Variants in PARN observed in about 807,000 individuals in gnomAD.
The protein encoded by PARN is poly(A)-specific ribonuclease PARN.
PARN carries 71 observed loss-of-function variants against 102.8 expected under a neutral mutation model. The ratio of observed to expected loss-of-function variants is 0.69; its 90% confidence interval spans 0.57 to 0.84. The LOEUF (loss-of-function observed/expected upper bound fraction) is 0.84, where lower values mean the gene tolerates loss of function less well. PARN is among the 40% of genes least tolerant of loss of function. The probability of loss-of-function intolerance (pLI) is 0.00; values close to 1 mark genes in which losing one functional copy is unlikely to be tolerated. For synonymous variants in PARN, 261 were observed against 252.9 expected (o/e 1.03, Z -0.30); for missense variants, 782 against 760.9 (o/e 1.03, Z -0.33).
intron 21 of PARN, among the ~76,000 whole-genome samples, chr16:14,519,330 T>G (rs1596559742): frequency 3.5e-4 from 7 of 20,150 alleles, no homozygotes; most frequent in Non-Finnish European, 5.7e-4. Context: ...GGAGGGGACG[T>G]GAGTGGAGGG....
At chr16:14,507,891 A>AATG (rs1426926191) in intron 21 of PARN, among the ~76,000 whole-genome samples, 5 of 152,228 alleles carry the variant, frequency 3.3e-5, no homozygotes, top group African/African-American at 1.2e-4. Flanking sequence ...AGTCAGTTAA[A>AATG]ATTTAAAATG....
chr16:14,499,233 T>C (rs1333535473), intron 21 of PARN, among the ~76,000 whole-genome samples: 3 of 152,194 alleles, frequency 2.0e-5, no homozygotes, highest in Non-Finnish European at 4.4e-5. Context: ...TGGAGCAGGT[T>C]AGGCTGCTAG....
chr16:14,590,965 T>C (rs892737066), intron 13 of PARN, among the ~76,000 whole-genome samples: 7 of 152,140 alleles, frequency 4.6e-5, no homozygotes, highest in Admixed American at 4.6e-4. Context: ...ATATTAATCT[T>C]TTAGCTGGGC....
At chr16:14,455,911 C>T (rs937825163) in intron 22 of PARN, among the ~76,000 whole-genome samples, 2 of 152,174 alleles carry the variant, frequency 1.3e-5, no homozygotes, top group Admixed American at 6.5e-5. Flanking sequence ...ACTAGTAATG[C>T]CCATGTTGGC....
intron 18 of PARN, among the ~76,000 whole-genome samples, chr16:14,579,469 C>G (rs933975610): frequency 6.6e-6 from 1 of 151,988 alleles, no homozygotes; most frequent in Admixed American, 6.6e-5. Context: ...ACTCAAGAGA[C>G]TGAGGTGGAA....
intron 5 of PARN, among the ~76,000 whole-genome samples, chr16:14,624,911 G>A (rs988723697): frequency 3.9e-5 from 6 of 151,984 alleles, no homozygotes; most frequent in Admixed American, 6.6e-5. Context: ...ATAAGCCGGC[G>A]TGATGGTGCA....
chr16:14,461,141 G>A (rs980263366), intron 22 of PARN, among the ~76,000 whole-genome samples: 1 of 152,050 alleles, frequency 6.6e-6, no homozygotes, highest in African/African-American at 2.4e-5. Context: ...TAGATTAGCT[G>A]GCCAATTTCA....
intron 1 of PARN, 31 bp downstream of exon 1, chr16:14,630,076 G>A (rs369859577): frequency 1.4e-5 from 22 of 1,547,110 alleles, no homozygotes; most frequent in South Asian, 1.2e-5. Flanking sequence ...CCGGGTGTGG[G>A]GAGGCGGGGA....
chr16:14,543,514 T>A (rs575244788), intron 21 of PARN, among the ~76,000 whole-genome samples: 1 of 152,314 alleles, frequency 6.6e-6, no homozygotes, highest in African/African-American at 2.4e-5. Context: ...GTAATACATA[T>A]GCCCAATTAA....
intron 9 of PARN, chr16:14,608,003 T>C (rs544469824): frequency 5.0e-5 from 20 of 402,202 alleles, no homozygotes; most frequent in Middle Eastern, 6.8e-4. Flanking sequence ...AAACCAAATA[T>C]TTATTGTATA....
intron 22 of PARN, among the ~76,000 whole-genome samples, chr16:14,471,684 T>C (rs1166987702): frequency 1.3e-5 from 2 of 152,182 alleles, no homozygotes; most frequent in African/African-American, 4.8e-5. Flanking sequence ...GTGGGGGCAA[T>C]CACCGCTCTA....
chr16:14,513,253 A>C (rs982931858), intron 21 of PARN, among the ~76,000 whole-genome samples: 2 of 152,154 alleles, frequency 1.3e-5, no homozygotes, highest in African/African-American at 4.8e-5. Context: ...TCAGCAAATA[A>C]AGTATAATTA....
At chr16:14,618,135 G>A (rs1013181518) in intron 5 of PARN, among the ~76,000 whole-genome samples, 2 of 152,104 alleles carry the variant, frequency 1.3e-5, no homozygotes, top group African/African-American at 4.8e-5. Context: ...CGGCAGGTCA[G>A]AACTTTGAGA....
At chr16:14,620,891 T>C (rs1039782632) in intron 5 of PARN, among the ~76,000 whole-genome samples, 1 of 152,220 alleles carries the variant, frequency 6.6e-6, no homozygotes, top group Admixed American at 6.5e-5. Flanking sequence ...ATTCATACCA[T>C]AGTGATTGTA....
chr16:14,506,951 A>G (rs928221745), intron 21 of PARN, among the ~76,000 whole-genome samples: 1 of 147,326 alleles, frequency 6.8e-6, no homozygotes, highest in Non-Finnish European at 1.5e-5. Flanking sequence ...AAGAAATGCC[A>G]GTAAGAATGG....
chr16:14,447,938 T>TTATCTATCTATC (rs10539138), intron 22 of PARN, among the ~76,000 whole-genome samples: 191 of 148,064 alleles, frequency 1.3e-3, no homozygotes, highest in African/African-American at 1.7e-3. Flanking sequence ...CTTTTAAATT[T>TTATCTATCTATC]TATCTATCTA....
chr16:14,446,895 A>G lies in PARN; in HGVS notation c.1857T>C (p.Ser619=). The part of the protein sequence containing the change: ...KKLKRMKKEL[S]PAGSISKNSP... ...GCAAGATCCAATACAAACCTGCTGG[A>G]GAAAGCTCCTTCTTCATTCTTTTTA... Residue 619 remains serine (S), a synonymous_variant, in exon 23 of 24, where the codon TCT becomes TCC. Transcript: ENST00000437198. 6.2e-7 allele frequency: 1 copy of G among 1,612,134 alleles called. No homozygotes were observed. The highest frequency in any genetic ancestry group is 8.5e-7 in the Non-Finnish European group (1 of 1,178,846).
chr16:14,615,217 C>A (rs1245263686), intron 6 of PARN, among the ~76,000 whole-genome samples: 6 of 151,410 alleles, frequency 4.0e-5, no homozygotes, highest in African/African-American at 1.5e-4. Context: ...GGAGTCCTGA[C>A]TATCGTGACT....
At chr16:14,450,648 G>C (rs542252257) in intron 22 of PARN, among the ~76,000 whole-genome samples, 1 of 152,220 alleles carries the variant, frequency 6.6e-6, no homozygotes, top group African/African-American at 2.4e-5. Flanking sequence ...GAGTAGCAAT[G>C]AGCATATCTA....
Sources: allele counts gnomAD v4.1 joint callset (sites outside exome capture counted in the v4.1 genomes callset), GRCh38; gene constraint gnomAD v4.1.1; transcripts MANE v1.5; gene names NCBI Gene and HGNC (gene_info 2026-07-23, HGNC 2026-07-21).